Variants in VPS13B observed in about 807,000 individuals in gnomAD.
The protein encoded by VPS13B is intermembrane lipid transfer protein VPS13B.
VPS13B carries 285 observed loss-of-function variants against 426.4 expected under a neutral mutation model. The observed-to-expected ratio is 0.67, with a 90% CI of 0.61 to 0.74. The LOEUF (loss-of-function observed/expected upper bound fraction) is 0.74. VPS13B is among the 30% of genes least tolerant of loss of function. VPS13B has a pLI of 0.00. For synonymous variants in VPS13B, 1,676 were observed against 1,676.4 expected (o/e 1.00, Z 0.01); for missense variants, 4,537 against 4,782.6 (o/e 0.95, Z 1.51).
chr8:99,785,494 A>G (rs946016618), intron 43 of VPS13B, among the ~76,000 whole-genome samples: 3 of 152,142 alleles, frequency 2.0e-5, no homozygotes, highest in Admixed American at 1.3e-4. Context: ...GTTCACATTA[A>G]TCTGACAGGA....
intron 17 of VPS13B, among the ~76,000 whole-genome samples, chr8:99,271,773 A>C (rs1818622411): frequency 1.3e-5 from 2 of 152,082 alleles, no homozygotes; most frequent in Non-Finnish European, 2.9e-5. Context: ...TGCTTTAAAA[A>C]CCGTTAGATC....
At chr8:99,234,049 C>A in intron 17 of VPS13B, 1 of 775,898 alleles carries the variant, frequency 1.3e-6, no homozygotes, top group South Asian at 1.4e-5. Flanking sequence ...GGGTTGGATC[C>A]GCAGCGGGAA....
chr8:99,060,988 A>G (rs1215593215), intron 3 of VPS13B, among the ~76,000 whole-genome samples: 1 of 152,212 alleles, frequency 6.6e-6, no homozygotes, highest in Non-Finnish European at 1.5e-5. Context: ...AGAAGTGCAA[A>G]TATAACCTTA....
chr8:99,234,135 G>A (rs754617348), intron 17 of VPS13B: 21 of 785,444 alleles, frequency 2.7e-5, no homozygotes, highest in African/African-American at 2.2e-4. Context: ...CCCTGGGCTC[G>A]CTGAGGGGGT....
At chr8:99,278,289 A>G (rs1818997123) in intron 19 of VPS13B, among the ~76,000 whole-genome samples, 1 of 152,160 alleles carries the variant, frequency 6.6e-6, no homozygotes, top group African/African-American at 2.4e-5. Context: ...GAGTTTTGAG[A>G]GGAGCTTATT....
At chr8:99,066,069 A>G (rs930626744) in intron 3 of VPS13B, among the ~76,000 whole-genome samples, 4 of 152,244 alleles carry the variant, frequency 2.6e-5, no homozygotes, top group Admixed American at 2.0e-4. Flanking sequence ...GAAAATGGCC[A>G]TACTGCTCAA....
intron 33 of VPS13B, among the ~76,000 whole-genome samples, chr8:99,614,320 C>T (rs886465064): frequency 6.6e-6 from 1 of 152,086 alleles, no homozygotes; most frequent in Non-Finnish European, 1.5e-5. Context: ...TCTTGTTGCA[C>T]AGGCTGGAGT....
chr8:99,057,451 C>T (rs1232767744), intron 3 of VPS13B, among the ~76,000 whole-genome samples: 1 of 152,120 alleles, frequency 6.6e-6, no homozygotes, highest in Non-Finnish European at 1.5e-5. Context: ...ATCTTTGGCA[C>T]CCTGTCTCTG....
intron 3 of VPS13B, among the ~76,000 whole-genome samples, chr8:99,059,932 C>T (rs965954172): frequency 1.4e-4 from 21 of 151,746 alleles, no homozygotes; most frequent in African/African-American, 5.1e-4. Flanking sequence ...GACGGGGTTT[C>T]AGCACATTGG....
intron 8 of VPS13B, among the ~76,000 whole-genome samples, chr8:99,133,847 C>T (rs548612196): frequency 6.6e-6 from 1 of 152,082 alleles, no homozygotes; most frequent in South Asian, 2.1e-4. Context: ...TTACAGATCA[C>T]CATAACAGAT....
chr8:99,801,761 C>A (rs1813135764), intron 43 of VPS13B, among the ~76,000 whole-genome samples: 1 of 152,080 alleles, frequency 6.6e-6, no homozygotes. Context: ...ATTTTCAGCC[C>A]AAGTGTACTG....
chr8:99,153,207 G>GT (rs1415317027), intron 14 of VPS13B, among the ~76,000 whole-genome samples: 1 of 151,966 alleles, frequency 6.6e-6, no homozygotes, highest in Non-Finnish European at 1.5e-5. Flanking sequence ...TAAAAAGTAG[G>GT]TTTTTTTGTA....
At chr8:99,255,369 C>T (rs1817693137) in intron 17 of VPS13B, among the ~76,000 whole-genome samples, 1 of 152,096 alleles carries the variant, frequency 6.6e-6, no homozygotes, top group African/African-American at 2.4e-5. Context: ...CCGTCTTTGT[C>T]ATCTCAGTGA....
intron 15 of VPS13B, 35 bp from the exon 16 acceptor site, chr8:99,170,004 T>C (rs1812233800): frequency 3.1e-6 from 5 of 1,610,806 alleles, no homozygotes; most frequent in Non-Finnish European, 3.4e-6. Flanking sequence ...AAACTTTGTC[T>C]GTGTGAACAC....
chr8:99,255,783 G>A (rs374093186), intron 17 of VPS13B, among the ~76,000 whole-genome samples: 4 of 152,022 alleles, frequency 2.6e-5, no homozygotes, highest in Middle Eastern at 3.2e-3. Flanking sequence ...TGTTATTGCC[G>A]CAGGTTGGTA....
chr8:99,350,357 T>C (rs1303723196), intron 19 of VPS13B, among the ~76,000 whole-genome samples: 1 of 152,190 alleles, frequency 6.6e-6, no homozygotes, highest in Non-Finnish European at 1.5e-5. Flanking sequence ...GTTAACAGGA[T>C]CAGAATGTGT....
At chr8:99,511,047 T>G in intron 28 of VPS13B, 57 bp from the exon 29 acceptor site, 15 of 1,594,756 alleles carry the variant, frequency 9.4e-6, no homozygotes, top group Non-Finnish European at 1.2e-5. Context: ...TCTTTCCAAT[T>G]TTTAAAAAAA....
chr8:99,696,983 G>A (rs1417927555), intron 35 of VPS13B: 5 of 617,748 alleles, frequency 8.1e-6, no homozygotes, highest in African/African-American at 5.5e-5. Context: ...GGCTGCAGCC[G>A]GCGTGTGGGA....
intron 17 of VPS13B, among the ~76,000 whole-genome samples, chr8:99,261,968 A>G (rs949041654): frequency 1.3e-5 from 2 of 152,152 alleles, no homozygotes; most frequent in African/African-American, 4.8e-5. Context: ...TTTACTTGTC[A>G]GATGTTTATT....
Sources: gnomAD v4.1 joint callset for allele counts (sites outside exome capture counted in the v4.1 genomes callset) on GRCh38, gnomAD v4.1.1 for gene constraint, MANE v1.5 for transcripts, NCBI Gene and HGNC (gene_info 2026-07-23, HGNC 2026-07-21) for gene names.